Variants in FOXO1 observed in about 807,000 individuals in gnomAD.
FOXO1 encodes the protein forkhead box protein O1.
Under a neutral mutation model 44.1 loss-of-function variants are expected in FOXO1, and 6 were observed. The ratio of observed to expected loss-of-function variants is 0.14; its 90% CI spans 0.07 to 0.27. The LOEUF is 0.27. FOXO1 is among the 10% of genes least tolerant of loss of function. The probability of loss-of-function intolerance (pLI) is 1.00; values close to 1 mark genes in which losing one functional copy is unlikely to be tolerated. For missense variants in FOXO1, 737 were observed against 888.8 expected (o/e 0.83, Z 2.17); for synonymous variants, 380 against 362.7 (o/e 1.05, Z -0.54).
intron 1 of FOXO1, among the ~76,000 whole-genome samples, chr13:40,614,806 A>G (rs1399264847): frequency 1.3e-5 from 2 of 152,256 alleles, no homozygotes; most frequent in Non-Finnish European, 2.9e-5. Context: ...ATCCTCATCC[A>G]GGGCCCGCTG....
rs573838142 is a variant in FOXO1 at position 40,652,485 on chromosome 13, G to A, written c.630+13098C>T. Among the ~76,000 whole-genome samples the A allele has an allele frequency of 3.2e-4, 48 of 152,034 alleles. No individual in the cohort carries two copies. In the Middle Eastern group the frequency reaches 0.01, roughly 32 times the overall value. The stretch of plus-strand genomic sequence containing the variant: ...ACTCCTAACCTCAGGTTATCCACCC[G>A]CCTAGGCCTCCCAAAGTACTGGGAT... On this transcript the variant is annotated intron_variant, in intron 1 of 2. Coordinates refer to ENST00000379561, the MANE Select transcript of FOXO1 (RefSeq NM_002015.4).
intron 1 of FOXO1, among the ~76,000 whole-genome samples, chr13:40,570,840 A>G (rs1336881321): frequency 6.6e-6 from 1 of 152,210 alleles, no homozygotes; most frequent in African/African-American, 2.4e-5. Context: ...TATCAGAAAC[A>G]AACTACCCCA....
intron 1 of FOXO1, among the ~76,000 whole-genome samples, chr13:40,602,023 TAGAA>T (rs1413393870): frequency 6.6e-6 from 1 of 152,172 alleles, no homozygotes; most frequent in Admixed American, 6.5e-5. Flanking sequence ...CTACATGACA[TAGAA>T]AGATTCATGT....
intron 1 of FOXO1, among the ~76,000 whole-genome samples, chr13:40,638,088 T>C (rs17446928): frequency 0.054 from 8,180 of 152,284 alleles, 355 homozygotes; most frequent in South Asian, 0.13. Flanking sequence ...TTCTTGAAAT[T>C]TGGTTTTTCT....
intron 1 of FOXO1, among the ~76,000 whole-genome samples, chr13:40,580,510 C>G (rs1874915509): frequency 6.6e-6 from 1 of 152,146 alleles, no homozygotes; most frequent in African/African-American, 2.4e-5. Context: ...TCAATCTCCT[C>G]ATCTACAAAA....
chr13:40,630,844 G>T (rs1367894959), intron 1 of FOXO1, among the ~76,000 whole-genome samples: 1 of 152,120 alleles, frequency 6.6e-6, no homozygotes, highest in African/African-American at 2.4e-5. Flanking sequence ...GAAGGAAGTT[G>T]CCTTAAAGTA....
At chr13:40,644,510 G>GA (rs758052754) in intron 1 of FOXO1, among the ~76,000 whole-genome samples, 36 of 151,896 alleles carry the variant, frequency 2.4e-4, no homozygotes, top group Non-Finnish European at 3.5e-4. Context: ...CAGAGCCAGA[G>GA]AAAAAAAATC....
chr13:40,561,910 A>T (rs1023369487), intron 1 of FOXO1, among the ~76,000 whole-genome samples: 2 of 149,346 alleles, frequency 1.3e-5, no homozygotes, highest in African/African-American at 5.0e-5. Context: ...AGATCACTCC[A>T]GCCTGGGCAA....
chr13:40,564,361 G>C (rs1285864732), intron 1 of FOXO1, among the ~76,000 whole-genome samples: 1 of 151,580 alleles, frequency 6.6e-6, no homozygotes, highest in East Asian at 1.9e-4. Context: ...ATTTCAGGTC[G>C]CTCTTTGAGT....
Position 40,560,331 on chromosome 13 carries a change from A to G in FOXO1, c.1160T>C (p.Leu387Ser), listed in dbSNP as rs769305916. Residue 387 changes from leucine (L) to serine (S), a missense_variant, in exon 2 of 3, where the codon TTA (leucine) becomes TCA (serine). Transcript: ENST00000379561. This position sits in a 1 kb window ranked among gnomAD's most constrained non-coding sequence, Gnocchi z 5.1. ...AGGTGAGGACTGGGTCGAAACAGTT[A>G]ATGATGTTGGTGATGAGAGAAGGTT... Reference protein sequence around the residue: ...NLNLLSSPTSLTVSTQSSPGT... With the variant: ...NLNLLSSPTSSTVSTQSSPGT... 6.2e-7 allele frequency: 1 copy of G among 1,614,164 alleles called. No individual in the cohort carries two copies. The highest frequency in any genetic ancestry group is 1.1e-5 in the South Asian group (1 of 91,086).
In FOXO1 at chr13:40,557,888, T is replaced by C. The variant is rs919378294; in HGVS notation, c.*1161A>G. On this transcript the variant is annotated 3_prime_UTR_variant, in exon 3 of 3. Transcript: ENST00000379561. The stretch of plus-strand genomic sequence containing the variant: ...GGTCTCTAGAGAAGACTTGATGCTA[T>C]GCAGTACGCATAGTTCAGTAGAAGC... 1 of 152,234 alleles carries C rather than the reference T, an allele frequency of 6.6e-6. No individual in the cohort carries two copies. The highest frequency in any genetic ancestry group is 1.5e-5 in the Non-Finnish European group (1 of 68,040). 9.4% of individuals were successfully genotyped at this position (152,234 alleles called of 1,614,324 possible). A position where few individuals can be genotyped will look rare whatever the true frequency, so the allele number is the denominator to read the frequency against.
At chr13:40,647,545 C>G (rs1033650625) in intron 1 of FOXO1, among the ~76,000 whole-genome samples, 3 of 152,142 alleles carry the variant, frequency 2.0e-5, no homozygotes, top group African/African-American at 7.2e-5. Context: ...GCTGGGATTA[C>G]AGCCGTGCAC....
At chr13:40,661,565 G>T (rs1159615192) in intron 1 of FOXO1, among the ~76,000 whole-genome samples, 2 of 151,770 alleles carry the variant, frequency 1.3e-5, no homozygotes, top group Admixed American at 1.3e-4. Flanking sequence ...CCAAAGTGCT[G>T]GGATTACAGG....
intron 1 of FOXO1, among the ~76,000 whole-genome samples, chr13:40,614,000 G>A (rs1213137848): frequency 6.6e-6 from 1 of 152,156 alleles, no homozygotes; most frequent in Non-Finnish European, 1.5e-5. Context: ...TTAACTACTG[G>A]CAGTTGCCTT....
At chr13:40,654,641 T>G (rs1271633093) in intron 1 of FOXO1, among the ~76,000 whole-genome samples, 1 of 152,306 alleles carries the variant, frequency 6.6e-6, no homozygotes, top group East Asian at 1.9e-4. Flanking sequence ...ACTGAAAAAG[T>G]TGACAGCCTG....
chr13:40,638,303 A>G (rs1309596764), intron 1 of FOXO1, among the ~76,000 whole-genome samples: 1 of 152,224 alleles, frequency 6.6e-6, no homozygotes, highest in Non-Finnish European at 1.5e-5. Context: ...CATCACCATC[A>G]TCACCATAAG....
intron 1 of FOXO1, among the ~76,000 whole-genome samples, chr13:40,636,897 T>C (rs1307053306): frequency 6.6e-6 from 1 of 152,216 alleles, no homozygotes; most frequent in Non-Finnish European, 1.5e-5. Flanking sequence ...ACTGTAATTA[T>C]AAACAGTGAC....
chr13:40,629,528 T>C (rs1008645173), intron 1 of FOXO1, among the ~76,000 whole-genome samples: 4 of 152,218 alleles, frequency 2.6e-5, no homozygotes, highest in East Asian at 1.9e-4. Flanking sequence ...TCCAAAATGA[T>C]TGGAACCAGA....
intron 1 of FOXO1, among the ~76,000 whole-genome samples, chr13:40,641,048 T>C (rs1405303267): frequency 1.3e-5 from 2 of 152,154 alleles, no homozygotes. Context: ...CCCTCCAAAG[T>C]GCTAGGATTA....
Sources: allele counts gnomAD v4.1 joint callset (sites outside exome capture counted in the v4.1 genomes callset), GRCh38; gene constraint gnomAD v4.1.1; non-coding constraint Gnocchi (gnomAD v3.1); transcripts MANE v1.5; gene names NCBI Gene and HGNC (gene_info 2026-07-23, HGNC 2026-07-21).